The following AKAP13 variants were observed in gnomAD, a reference collection of about 807,000 sequenced individuals.
AKAP13 encodes the protein A-kinase anchoring protein 13.
In AKAP13, 80 loss-of-function variants were observed where a neutral mutation model predicts 264.5. That is an observed-to-expected ratio of 0.30 (90% confidence interval 0.25 to 0.36). The LOEUF (loss-of-function observed/expected upper bound fraction) is 0.36, where lower values mean the gene tolerates loss of function less well. AKAP13 is among the 10% of genes least tolerant of loss of function. The probability of loss-of-function intolerance (pLI) is 1.00; values close to 1 mark genes in which losing one functional copy is unlikely to be tolerated. For missense variants in AKAP13, 3,712 were observed against 3,435.2 expected, an observed-to-expected ratio of 1.08 and a Z score of -2.01; for synonymous variants, 1,380 against 1,250.2, an observed-to-expected ratio of 1.10 and a Z score of -2.19.
At chr15:85,706,444 T>TG (rs2086264343) in intron 17 of AKAP13, among the ~76,000 whole-genome samples, 2 of 152,164 alleles carry the variant, frequency 1.3e-5, no homozygotes, top group Non-Finnish European at 2.9e-5. Flanking sequence ...AGAGGGAACC[T>TG]GGGGGAAAAT....
chr15:85,543,833 G>A lies in AKAP13; in HGVS notation c.540G>A (p.Thr180=), dbSNP rs769701831. The A allele has an allele frequency of 5.9e-5, 95 of 1,613,988 alleles. No homozygotes were observed. Among genetic ancestry groups the A allele is most frequent in the Admixed American group, 4.2e-4 (25 of 59,994 alleles). ...FAVRLGLLRL[T]WFLLQKPGGR... ...TGCGGCTGGGACTGCTGAGGTTGAC[G>A]TGGTTCCTGTTGCAGAAGCCAGGTG... Residue 180 remains threonine (T), a synonymous_variant, in exon 5 of 37, where the codon ACG becomes ACA. Coordinates refer to ENST00000394518, the MANE Select transcript of AKAP13 (RefSeq NM_007200.5).
chr15:85,456,603 G>A (rs988417812), intron 1 of AKAP13, among the ~76,000 whole-genome samples: 1 of 146,922 alleles, frequency 6.8e-6, no homozygotes, highest in African/African-American at 2.5e-5. Flanking sequence ...GGGCTGGAGT[G>A]CAGTGGCGCA....
chr15:85,647,536 TTG>T (rs570125271), intron 10 of AKAP13, among the ~76,000 whole-genome samples: 40 of 152,272 alleles, frequency 2.6e-4, no homozygotes, highest in South Asian at 8.3e-4. Context: ...TTTTTTTTTT[TTG>T]AACTCATTGT....
At chr15:85,741,866 G>A (rs563306543) in intron 35 of AKAP13, among the ~76,000 whole-genome samples, 6 of 152,208 alleles carry the variant, frequency 3.9e-5, no homozygotes, top group African/African-American at 1.2e-4. Context: ...TCAACATGGC[G>A]AAACGGCGTC....
At position 85,579,439 on chromosome 15, in the gene AKAP13, C is replaced by G. The variant is rs751735804; in HGVS notation, c.1371C>G (p.Ala457=). 1.2e-6 allele frequency: 2 copies of G among 1,614,158 alleles called. No homozygotes were observed. The highest frequency in any genetic ancestry group is 2.2e-5 in the South Asian group (2 of 91,084). Reference sequence around the variant, plus strand: ...ACTTGGTCATGGAGCCAGGCACAGCCCAGTATTCCTCTGGAGGTGAACTGG... The same window carrying G: ...ACTTGGTCATGGAGCCAGGCACAGCGCAGTATTCCTCTGGAGGTGAACTGG... ...QRDLVMEPGT[A]QYSSGGELGG... is the part of the protein sequence containing the mutation. The change falls in exon 7 of 37, where the codon GCC becomes GCG. Residue 457 remains alanine (A), a synonymous_variant. Coordinates refer to ENST00000394518, the MANE Select transcript of AKAP13 (RefSeq NM_007200.5).
intron 2 of AKAP13, among the ~76,000 whole-genome samples, chr15:85,493,196 C>A (rs532958228): frequency 6.6e-6 from 1 of 152,168 alleles, no homozygotes; most frequent in Non-Finnish European, 1.5e-5. Context: ...AAATGTAATA[C>A]TCAGCTGAGC....
At chr15:85,385,851 A>C (rs1465423235) in intron 1 of AKAP13, among the ~76,000 whole-genome samples, 1 of 152,020 alleles carries the variant, frequency 6.6e-6, no homozygotes, top group African/African-American at 2.4e-5. Context: ...TTCGAGATGG[A>C]GTTTGGCTCT....
At chr15:85,736,732 C>T (rs2088546880) in intron 33 of AKAP13, among the ~76,000 whole-genome samples, 1 of 152,034 alleles carries the variant, frequency 6.6e-6, no homozygotes. Flanking sequence ...CTAAATAGGG[C>T]CTGTGAAATC....
chr15:85,717,067 CAAA>C (rs35580426), intron 20 of AKAP13: 5 of 460,752 alleles, frequency 1.1e-5, no homozygotes, highest in Admixed American at 4.3e-5. Context: ...TAAAAAGGCT[CAAA>C]AAGTCCTCAG....
At chr15:85,669,493 G>A (rs2083798906) in intron 13 of AKAP13, among the ~76,000 whole-genome samples, 1 of 152,190 alleles carries the variant, frequency 6.6e-6, no homozygotes, top group Admixed American at 6.5e-5. Context: ...CCATTTTACA[G>A]ATGAGAAAAC....
chr15:85,464,951 A>AT (rs1465109792), intron 1 of AKAP13, among the ~76,000 whole-genome samples: 3 of 151,344 alleles, frequency 2.0e-5, no homozygotes, highest in Non-Finnish European at 2.9e-5. Flanking sequence ...TACTTTTTTT[A>AT]TTTTTTTGAG....
At chr15:85,471,863 G>T (rs891380795) in intron 1 of AKAP13, among the ~76,000 whole-genome samples, 1 of 152,090 alleles carries the variant, frequency 6.6e-6, no homozygotes, top group African/African-American at 2.4e-5. Flanking sequence ...ATGTGTTTTT[G>T]AATCAGCTTG....
At chr15:85,571,635 G>C (rs998926759) in intron 5 of AKAP13, among the ~76,000 whole-genome samples, 2 of 152,206 alleles carry the variant, frequency 1.3e-5, no homozygotes, top group Admixed American at 1.3e-4. Flanking sequence ...AATCTCTGTA[G>C]CACTTGCTAT....
intron 8 of AKAP13, among the ~76,000 whole-genome samples, chr15:85,589,091 C>T (rs1458896909): frequency 6.6e-6 from 1 of 152,090 alleles, no homozygotes; most frequent in Non-Finnish European, 1.5e-5. Flanking sequence ...AACTCTTCTC[C>T]GTGGTGCTCT....
intron 2 of AKAP13, among the ~76,000 whole-genome samples, chr15:85,507,285 C>T (rs1271045462): frequency 6.6e-6 from 1 of 151,576 alleles, no homozygotes; most frequent in African/African-American, 2.4e-5. Flanking sequence ...AGCCTGTGAA[C>T]CAAATCTAGC....
At chr15:85,620,317 C>A in intron 8 of AKAP13, 1 of 731,906 alleles carries the variant, frequency 1.4e-6, no homozygotes, top group Non-Finnish European at 2.2e-6. Context: ...TGAATGTAAG[C>A]CTCTTAAAGG....
rs575794459 is a variant in AKAP13 at position 85,658,409 on chromosome 15, A to G, written c.4746-128A>G. ...TGTTTTTCTCATTCCACATTCCTTC[A>G]TTCTCTTGCCTGTGCCATTTCTCTT... On this transcript the variant is annotated intron_variant, in intron 11 of 36. Transcript: ENST00000394518. 64 of 696,578 alleles carry G rather than the reference A, an allele frequency of 9.2e-5. No individual in the cohort carries two copies. The Middle Eastern group carries it at 1.0e-3, about 11-fold the overall frequency. 43.1% of individuals were successfully genotyped at this position (696,578 alleles called of 1,614,324 possible). A position where few individuals can be genotyped will look rare whatever the true frequency, so the allele number is the denominator to read the frequency against.
At chr15:85,551,920 T>A (rs979750722) in intron 5 of AKAP13, among the ~76,000 whole-genome samples, 33 of 152,306 alleles carry the variant, frequency 2.2e-4, no homozygotes, top group Non-Finnish European at 4.3e-4. Flanking sequence ...CGCATACCAA[T>A]AGAAAGAATG....
At chr15:85,432,830 G>T (rs946604569) in intron 1 of AKAP13, among the ~76,000 whole-genome samples, 2 of 152,020 alleles carry the variant, frequency 1.3e-5, no homozygotes, top group Non-Finnish European at 2.9e-5. Flanking sequence ...GTTTACTTTG[G>T]TTGATAGGGA....
Sources: allele counts gnomAD v4.1 joint callset (sites outside exome capture counted in the v4.1 genomes callset), GRCh38; gene constraint gnomAD v4.1.1; transcripts MANE v1.5; gene names NCBI Gene and HGNC (gene_info 2026-07-23, HGNC 2026-07-21).